PTPRH: variants seen among roughly 807,000 people sequenced by gnomAD.
PTPRH encodes the protein protein tyrosine phosphatase receptor type H.
PTPRH carries 113 observed loss-of-function variants against 130.2 expected under a neutral mutation model. The observed-to-expected ratio is 0.87, with a 90% CI of 0.75 to 1.01. The LOEUF is 1.01. Ranked by LOEUF, PTPRH falls within the 50% of genes least tolerant of loss-of-function variation. The pLI is 0.00. For missense variants in PTPRH, 1,430 were observed against 1,425.0 expected, an observed-to-expected ratio of 1.00 and a Z score of -0.06; for synonymous variants, 556 against 577.9, an observed-to-expected ratio of 0.96 and a Z score of 0.54.
rs577992315 is a variant in PTPRH at position 55,187,693 on chromosome 19, A to G, written c.2476-90T>C. ...CCGAGCTCCCCTTGCCTTCTTCGGC[A>G]TCACCCCTTGTTTATTCGTTGCACC... On this transcript the variant is annotated intron_variant, in intron 13 of 19. Coordinates refer to ENST00000376350, the MANE Select transcript of PTPRH (RefSeq NM_002842.5). The G allele has an allele frequency of 5.9e-5, 55 of 926,396 alleles. 1 individual carries two copies. In the South Asian group the frequency reaches 7.1e-4, roughly 12 times the overall value. 57.4% of individuals were successfully genotyped at this position (926,396 alleles called of 1,614,324 possible). A position where few individuals can be genotyped will look rare whatever the true frequency, so the allele number is the denominator to read the frequency against.
intron 18 of PTPRH, among the ~76,000 whole-genome samples, chr19:55,183,353 G>A (rs1423472329): frequency 2.0e-5 from 3 of 151,524 alleles, no homozygotes; most frequent in Admixed American, 1.3e-4. Context: ...GCAGTGAGCC[G>A]AGATCACATC....
chr19:55,188,448 G>T (rs921486523), intron 12 of PTPRH, among the ~76,000 whole-genome samples: 1 of 152,186 alleles, frequency 6.6e-6, no homozygotes, highest in South Asian at 2.1e-4. Flanking sequence ...GTGAGGCAGA[G>T]GTTGTGGTGA....
chr19:55,182,502 G>A (rs958118565), intron 18 of PTPRH, among the ~76,000 whole-genome samples: 3 of 152,210 alleles, frequency 2.0e-5, no homozygotes, highest in East Asian at 1.9e-4. Flanking sequence ...CAGCCTGGGC[G>A]ACAAGAGCAA....
rs1035859562 is a variant in PTPRH, at chr19:55,209,159, A to T, written c.51+224T>A. Among the ~76,000 whole-genome samples, 2 of 151,514 alleles carry T rather than the reference A, an allele frequency of 1.3e-5. No homozygotes were observed. The highest frequency in any genetic ancestry group is 2.9e-5 in the Non-Finnish European group (2 of 67,822). On this transcript the variant is annotated intron_variant, in intron 1 of 19. Transcript: ENST00000376350. This position sits in a 1 kb window ranked among gnomAD's most constrained non-coding sequence, Gnocchi z 4.1. ...CCCCACAACAGACACGACAATGTCTAAGGGCCCGGGTGAAGCTGGTGTCCC... is the reference window on the plus strand; with the variant it reads ...CCCCACAACAGACACGACAATGTCTTAGGGCCCGGGTGAAGCTGGTGTCCC...
intron 12 of PTPRH, among the ~76,000 whole-genome samples, chr19:55,188,570 C>T (rs963981434): frequency 6.6e-6 from 1 of 152,126 alleles, no homozygotes; most frequent in African/African-American, 2.4e-5. Flanking sequence ...TCAGACAGCC[C>T]TACACTTACA....
At position 55,181,810 on chromosome 19, in the gene PTPRH, C is replaced by A. The variant is rs200030466; in HGVS notation, c.3292G>T (p.Glu1098Ter). 5.0e-6 allele frequency: 8 copies of A among 1,614,046 alleles called. No homozygotes were observed. The highest frequency in any genetic ancestry group is 6.8e-6 in the Non-Finnish European group (8 of 1,180,042). Reference protein sequence around the residue: ...AEKEVPYEDVENLIYENVAAI... With the variant: ...AEKEVPYEDV ...GCCACGTTCTCGTAGATGAGGTTTTCGACATCCTCATACGGGACTTCCTTC... is the reference window on the plus strand; with the variant it reads ...GCCACGTTCTCGTAGATGAGGTTTTAGACATCCTCATACGGGACTTCCTTC... The change falls in exon 20 of 20, where the codon GAA (glutamate) becomes TAA (stop). Residue 1098 changes from glutamate (E) to a stop codon, truncating the protein, a stop_gained. Transcript: ENST00000376350. LOFTEE classifies it low-confidence loss of function (END_TRUNC).
chr19:55,192,086 T>C (rs1284222655), intron 10 of PTPRH: 3 of 418,370 alleles, frequency 7.2e-6, no homozygotes, highest in South Asian at 5.6e-5. Context: ...TTTTTTTCTT[T>C]AGCTACTTGA....
chr19:55,193,968 C>T (rs1373978004), intron 10 of PTPRH: 1 of 335,014 alleles, frequency 3.0e-6, no homozygotes, highest in African/African-American at 2.2e-5. Context: ...CTTGCCTCAG[C>T]CTCCTGAGTA....
intron 3 of PTPRH, among the ~76,000 whole-genome samples, chr19:55,206,272 C>A (rs2087049830): frequency 6.6e-6 from 1 of 151,288 alleles, no homozygotes; most frequent in Non-Finnish European, 1.5e-5. Context: ...TACATAAAAT[C>A]TCTCATAGTA....
chr19:55,203,974 C>T lies in PTPRH; in HGVS notation c.694G>A (p.Asp232Asn), dbSNP rs55870162. Reference protein sequence around the residue: ...SSISLSWEVPDGTDPQNSTYC... With the variant: ...SSISLSWEVPNGTDPQNSTYC... ...GTCGAGTTCTGTGGGTCTGTGCCAT[C>T]GGGGACCTCCCAGCTCAGGGAGATG... Residue 232 changes from aspartate (D) to asparagine (N), a missense_variant, in exon 5 of 20, where the codon GAT becomes AAT. Coordinates refer to ENST00000376350, the MANE Select transcript of PTPRH (RefSeq NM_002842.5). The T allele has an allele frequency of 0.026, 41,784 of 1,613,986 alleles. 675 individuals carry two copies. Among genetic ancestry groups the T allele is most frequent in the South Asian group, 0.046 (4,217 of 91,076 alleles).
In PTPRH at chr19:55,198,815, G is replaced by A. The variant is rs775533113; in HGVS notation, c.1518C>T (p.Tyr506=). The stretch of plus-strand genomic sequence containing the variant: ...CCCTGACCCATGAGACCCAGTAGCT[G>A]TAGGAAGACTGGCCTGGGCCCTGGG... ...TAPQGPGQSS[Y]SYWVSWVREG... The change falls in exon 8 of 20, where the codon TAC becomes TAT. Residue 506 remains tyrosine (Y), a synonymous_variant. Coordinates refer to ENST00000376350, the MANE Select transcript of PTPRH (RefSeq NM_002842.5). 9.3e-6 allele frequency: 15 copies of A among 1,609,868 alleles called. No individual in the cohort carries two copies. The highest frequency in any genetic ancestry group is 1.3e-5 in the Non-Finnish European group (15 of 1,177,726).
intron 12 of PTPRH, among the ~76,000 whole-genome samples, chr19:55,190,574 ATATAT>A (rs933967303): frequency 7.4e-5 from 10 of 135,652 alleles, no homozygotes; most frequent in African/African-American, 1.9e-4. Flanking sequence ...ATAACATATA[ATATAT>A]TATATATTAT....
chr19:55,183,606 C>G (rs1361937421), intron 18 of PTPRH, among the ~76,000 whole-genome samples: 2 of 152,038 alleles, frequency 1.3e-5, no homozygotes, highest in African/African-American at 2.4e-5. Flanking sequence ...CACCTGTATT[C>G]CCAGCTACTC....
intron 12 of PTPRH, among the ~76,000 whole-genome samples, chr19:55,190,111 C>G (rs1030407827): frequency 1.3e-5 from 2 of 151,960 alleles, no homozygotes; most frequent in African/African-American, 2.4e-5. Context: ...TGGCTCACGC[C>G]GGTAATCCCA....
chr19:55,204,042 T>A lies in PTPRH; in HGVS notation c.626A>T (p.Asn209Ile). The A allele has an allele frequency of 3.1e-6, 5 of 1,611,168 alleles. No individual in the cohort carries two copies. The highest frequency in any genetic ancestry group is 1.3e-5 in the African/African-American group (1 of 74,902). Reference sequence around the variant, plus strand: ...CTCCACTCTCAGGTTCCTCACTGGGTTGTGAGCTGAGAAATTAGGAAGAAA... The same window carrying A: ...CTCCACTCTCAGGTTCCTCACTGGGATGTGAGCTGAGAAATTAGGAAGAAA... ...RETRNATTAH[N>I]PVRNLRVEAQ... The change falls in exon 5 of 20, where the codon AAC becomes ATC. Residue 209 changes from asparagine (N) to isoleucine (I), a missense_variant. Asn to Ile is a moderately radical substitution (Grantham distance 149). Coordinates refer to ENST00000376350, the MANE Select transcript of PTPRH (RefSeq NM_002842.5).
intron 12 of PTPRH, 49 bp downstream of exon 12, chr19:55,191,452 T>G (rs2086531930): frequency 1.9e-6 from 3 of 1,605,614 alleles, no homozygotes; most frequent in South Asian, 2.2e-5. Flanking sequence ...CAAACACCCC[T>G]TGATTTGACC....
In PTPRH at chr19:55,198,868, T is replaced by C; in HGVS notation, c.1465A>G (p.Ser489Gly). Residue 489 changes from serine (S) to glycine (G), a missense_variant, in exon 8 of 20, where the codon AGC (serine) becomes GGC (glycine). Ser to Gly is a moderately conservative substitution (Grantham distance 56). Coordinates refer to ENST00000376350, the MANE Select transcript of PTPRH (RefSeq NM_002842.5). Reference protein sequence around the residue: ...TSLSKQDWTNSTIALRWTAPQ... With the variant: ...TSLSKQDWTNGTIALRWTAPQ... ...GCTGTCCAGCGCAAAGCAATGGTGC[T>C]GTTGGTCCAGTCCTGCTTGCTGAGG... 1 of 1,559,318 alleles carries C rather than the reference T, an allele frequency of 6.4e-7. No individual in the cohort carries two copies. The highest frequency in any genetic ancestry group is 8.7e-7 in the Non-Finnish European group (1 of 1,149,894).
At chr19:55,190,310 C>T (rs34718815) in intron 12 of PTPRH, among the ~76,000 whole-genome samples, 26,838 of 146,542 alleles carry the variant, frequency 0.18, 2,869 homozygotes, top group Admixed American at 0.32. Context: ...GCGGAGGTTG[C>T]GGTGAGCCGA....
intron 8 of PTPRH, among the ~76,000 whole-genome samples, chr19:55,197,979 G>A (rs1003510409): frequency 3.9e-5 from 6 of 152,192 alleles, no homozygotes; most frequent in East Asian, 1.9e-4. Context: ...TTGGGAGGCC[G>A]AGGCGGGAGG....
Sources: gnomAD v4.1 joint callset for allele counts (sites outside exome capture counted in the v4.1 genomes callset) on GRCh38, gnomAD v4.1.1 for gene constraint, Gnocchi (gnomAD v3.1) non-coding constraint, MANE v1.5 for transcripts, NCBI Gene and HGNC (gene_info 2026-07-23, HGNC 2026-07-21) for gene names.